The following STAP2 variants were observed in gnomAD, a reference collection of about 807,000 sequenced individuals.
The protein encoded by STAP2 is signal-transducing adaptor protein 2.
A neutral mutation model predicts 52.7 loss-of-function variants in STAP2; 58 were observed. The observed-to-expected ratio is 1.10, with a 90% confidence interval of 0.89 to 1.37. The LOEUF is 1.37. STAP2 is among the 40% of genes most tolerant of loss of function. The pLI is 0.00. For synonymous variants in STAP2, 231 were observed against 210.5 expected, an observed-to-expected ratio of 1.10 and a Z score of -0.84; for missense variants, 522 against 519.4, an observed-to-expected ratio of 1.00 and a Z score of -0.05.
chr19:4,331,384 G>A (rs1971887592), intron 4 of STAP2, among the ~76,000 whole-genome samples: 1 of 150,982 alleles, frequency 6.6e-6, no homozygotes, highest in African/African-American at 2.4e-5. Flanking sequence ...TGTAATCCCA[G>A]CACTTTGAGT....
rs1297143915 is a variant in STAP2 at position 4,325,789 on chromosome 19, G to A, written c.830-244C>T. Among the ~76,000 whole-genome samples, 3 of 152,134 alleles carry A rather than the reference G, an allele frequency of 2.0e-5. No individual in the cohort carries two copies. The South Asian group carries it at 6.2e-4, about 32-fold the overall frequency. ...GGTTCAAGACCAGCCTGGCCAATAT[G>A]GTGAAACCCCGTCTCTACTAAAAAT... On this transcript the variant is annotated intron_variant, in intron 9 of 12. Coordinates refer to ENST00000594605, the MANE Select transcript of STAP2 (RefSeq NM_001013841.2).
Position 4,328,702 on chromosome 19 carries a change from G to A in STAP2, c.563C>T (p.Ser188Leu), listed in dbSNP as rs200620209. 1 of 1,473,338 alleles carries A rather than the reference G, an allele frequency of 6.8e-7. No homozygotes were observed. Among genetic ancestry groups the A allele is most frequent in the Non-Finnish European group, 9.1e-7 (1 of 1,094,430 alleles). 91.3% of individuals were successfully genotyped at this position (1,473,338 alleles called of 1,614,324 possible). Residue 188 changes from serine (S) to leucine (L), a missense_variant, in exon 6 of 13, where the codon TCG becomes TTG. Coordinates refer to ENST00000594605, the MANE Select transcript of STAP2 (RefSeq NM_001013841.2). ...GTTGTGCATCTGCCGCGTGGTGACC[G>A]ACACGCCGTCGGCGCCGTCCCCGCT... ...RPSGDGADGV[S>L]VTTRQMHNGT...
intron 1 of STAP2, among the ~76,000 whole-genome samples, chr19:4,334,820 C>CCATCTA (rs1568388590): frequency 4.2e-4 from 2 of 4,800 alleles, no homozygotes; most frequent in African/African-American, 9.1e-4. Context: ...CATCCATCCA[C>CCATCTA]TCATCCATCC....
At chr19:4,327,275 C>T in intron 7 of STAP2, 41 bp downstream of exon 7, 3 of 1,614,030 alleles carry the variant, frequency 1.9e-6, no homozygotes, top group Non-Finnish European at 2.5e-6. Context: ...GGGACGCGGA[C>T]CCCACAAAGT....
chr19:4,329,958 C>CA lies in STAP2; in HGVS notation c.455+2dup. 6.2e-7 allele frequency: 1 copy of CA among 1,612,440 alleles called. No individual in the cohort carries two copies. Among genetic ancestry groups the CA allele is most frequent in the Non-Finnish European group, 8.5e-7 (1 of 1,179,366 alleles). ...AGCCCCTCGGGACAGGCGGGACACT[C>CA]ACGAGGGTGTCTCCAGTGCACGGCG... On this transcript the variant is annotated splice_region_variant and intron_variant, in intron 5 of 12. Transcript: ENST00000594605.
Position 4,327,003 on chromosome 19 carries a change from G to T in STAP2, c.768C>A (p.Tyr256Ter). 1 of 1,561,938 alleles carries T rather than the reference G, an allele frequency of 6.4e-7. No individual in the cohort carries two copies. Among genetic ancestry groups the T allele is most frequent in the East Asian group, 2.4e-5 (1 of 41,560 alleles). The change falls in exon 9 of 13, where the codon TAC (tyrosine) becomes TAA (stop). Residue 256 changes from tyrosine (Y) to a stop codon, truncating the protein, a stop_gained. Transcript: ENST00000594605. LOFTEE classifies it high-confidence loss of function. Reference protein sequence around the residue: ...LDEDYEKVLGYVEADKENGEN... With the variant: ...LDEDYEKVLG The stretch of plus-strand genomic sequence containing the variant: ...CGCCATTCTCCTTATCGGCTTCCAC[G>T]TAGCCTGGAACAGAGAGGGCGGCCT...
At chr19:4,334,110 T>C in intron 1 of STAP2, 66 bp from the exon 2 acceptor site, 1 of 1,411,262 alleles carries the variant, frequency 7.1e-7, no homozygotes, top group South Asian at 1.3e-5. Flanking sequence ...ATGTACTCAA[T>C]CCTGTCTCGG....
intron 11 of STAP2, 34 bp from the exon 12 acceptor site, chr19:4,324,563 G>T (rs758696204): frequency 6.4e-7 from 1 of 1,552,440 alleles, no homozygotes; most frequent in Admixed American, 1.9e-5. Flanking sequence ...CAGGTGTGGT[G>T]GCTCACGCCG....
intron 6 of STAP2, among the ~76,000 whole-genome samples, chr19:4,327,635 C>A (rs369462863): frequency 2.6e-5 from 4 of 152,134 alleles, no homozygotes; most frequent in African/African-American, 9.6e-5. Context: ...GACCCACCCC[C>A]ACAGAAGACC....
chr19:4,329,590 C>T (rs1196561358), intron 5 of STAP2, among the ~76,000 whole-genome samples: 1 of 152,020 alleles, frequency 6.6e-6, no homozygotes, highest in Non-Finnish European at 1.5e-5. Context: ...GCTCCGCCCC[C>T]CATCCAGGCC....
chr19:4,325,190 G>C (rs1229615834), intron 11 of STAP2, 26 bp downstream of exon 11: 13 of 1,554,538 alleles, frequency 8.4e-6, no homozygotes, highest in Non-Finnish European at 1.1e-5. Flanking sequence ...CATCAGGTGA[G>C]GGTGGGATAT....
At position 4,330,473 on chromosome 19, in the gene STAP2, A is replaced by G. The variant is rs533331160; in HGVS notation, c.355-412T>C. Among the ~76,000 whole-genome samples the G allele has an allele frequency of 1.3e-4, 20 of 151,438 alleles. No individual in the cohort carries two copies. In the East Asian group the frequency reaches 3.4e-3, roughly 25 times the overall value. On this transcript the variant is annotated intron_variant, in intron 4 of 12. Coordinates refer to ENST00000594605, the MANE Select transcript of STAP2 (RefSeq NM_001013841.2). ...GGAAGGCGGAGGCTGCAGTAAGCCAAGATCACGCCATTGCACTCCAGCCTG... is the reference window on the plus strand; with the variant it reads ...GGAAGGCGGAGGCTGCAGTAAGCCAGGATCACGCCATTGCACTCCAGCCTG...
chr19:4,328,999 G>C (rs1034047930), intron 5 of STAP2, 190 bp from the exon 6 acceptor site: 14 of 767,578 alleles, frequency 1.8e-5, no homozygotes, highest in Non-Finnish European at 2.3e-5. Flanking sequence ...GTTTTTGTGG[G>C]GTTTTTTGTT....
In STAP2 at chr19:4,326,930, A is replaced by G; in HGVS notation, c.829+12T>C. On this transcript the variant is annotated intron_variant, in intron 9 of 12. Transcript: ENST00000594605. ...ATCCCTCCCACCTCGGCCCGCGGGAAGGGGGCGTCACCTGGGCCCGGAGCG... is the reference window on the plus strand; with the variant it reads ...ATCCCTCCCACCTCGGCCCGCGGGAGGGGGGCGTCACCTGGGCCCGGAGCG... The G allele has an allele frequency of 6.6e-7, 1 of 1,507,960 alleles. No individual in the cohort carries two copies. Among genetic ancestry groups the G allele is most frequent in the African/African-American group, 1.4e-5 (1 of 71,248 alleles). The allele number at this position is 1,507,960 out of a possible 1,614,324, so 93.4% of individuals were successfully genotyped here.
chr19:4,326,867 AACTG>A lies in STAP2; in HGVS notation c.829+71_829+74del. 5.3e-6 allele frequency: 8 copies of A among 1,519,218 alleles called. 1 individual carries two copies. Among genetic ancestry groups the A allele is most frequent in the Middle Eastern group, 2.2e-4 (1 of 4,520 alleles). 94.1% of individuals were successfully genotyped at this position (1,519,218 alleles called of 1,614,324 possible). ...TCAGATGCAGGAGGTGCAGCCACCA[AACTG>A]ACTGAGGGGGCGTGGCTGAATGCGG... On this transcript the variant is annotated intron_variant, in intron 9 of 12. Coordinates refer to ENST00000594605, the MANE Select transcript of STAP2 (RefSeq NM_001013841.2).
chr19:4,325,616 C>T (rs1971779053), intron 9 of STAP2, 71 bp from the exon 10 acceptor site: 13 of 1,489,948 alleles, frequency 8.7e-6, no homozygotes, highest in Non-Finnish European at 1.2e-5. Flanking sequence ...GCGGGGGGGT[C>T]TGTGTGCATG....
In STAP2 at chr19:4,327,095, G is replaced by A. The variant is rs1599548347; in HGVS notation, c.763+29C>T. ...CGGGGGCGGGAGAGGTGAGCACTGG[G>A]CCCCCGAACTCCCCGAAGGGGCACC... On this transcript the variant is annotated intron_variant, in intron 8 of 12. Transcript: ENST00000594605. 9 of 1,613,152 alleles carry A rather than the reference G, an allele frequency of 5.6e-6. No individual in the cohort carries two copies. In the East Asian group the frequency reaches 2.0e-4, roughly 36 times the overall value.
rs1972021619 is a variant in STAP2, at chr19:4,338,769, T to C, written c.-16A>G. ...CAGAGGCCATGACGGAGCCAGGGTC[T>C]TCCGCCTGGCCTCTCCTTCCAGTGG... On this transcript the variant is annotated 5_prime_UTR_variant, in exon 1 of 13. Coordinates refer to ENST00000594605, the MANE Select transcript of STAP2 (RefSeq NM_001013841.2). The C allele has an allele frequency of 6.2e-6, 10 of 1,605,824 alleles. No homozygotes were observed. The East Asian group carries it at 2.2e-4, about 36-fold the overall frequency.
chr19:4,330,129 C>T, intron 4 of STAP2, 68 bp from the exon 5 acceptor site: 1 of 1,296,854 alleles, frequency 7.7e-7, no homozygotes, highest in Non-Finnish European at 1.1e-6. Context: ...GCCCAAGTCA[C>T]AGAGTGGCAA....
Sources: gnomAD v4.1 joint callset for allele counts (sites outside exome capture counted in the v4.1 genomes callset) on GRCh38, gnomAD v4.1.1 for gene constraint, MANE v1.5 for transcripts, NCBI Gene and HGNC (gene_info 2026-07-23, HGNC 2026-07-21) for gene names.